Variants in GRK7 observed in about 807,000 individuals in gnomAD.
GRK7 encodes G protein-coupled receptor kinase 7, also known as rhodopsin kinase GRK7.
In GRK7, 24 loss-of-function variants were observed where a neutral mutation model predicts 34.1. The observed-to-expected ratio is 0.70, with a 90% CI of 0.51 to 0.99. The LOEUF is 0.99. GRK7 is among the 50% of genes least tolerant of loss of function. GRK7 has a pLI of 0.00. For synonymous variants in GRK7, 256 were observed against 279.4 expected, an observed-to-expected ratio of 0.92 and a Z score of 0.84; for missense variants, 644 against 707.3, an observed-to-expected ratio of 0.91 and a Z score of 1.02.
the GRK7 span, among the ~76,000 whole-genome samples, chr3:141,752,210 C>A: frequency 1.3e-5 from 2 of 152,156 alleles, no homozygotes; most frequent in Non-Finnish European, 2.9e-5. Flanking sequence ...GTAAGAATTT[C>A]TTAAGTTTGC....
At chr3:141,767,423 G>T (rs1454287366) in intron 1 of GRK7, among the ~76,000 whole-genome samples, 2 of 151,010 alleles carry the variant, frequency 1.3e-5, no homozygotes, top group Non-Finnish European at 2.9e-5. Flanking sequence ...TTTGAGACAG[G>T]GTCTCCTTCG....
chr3:141,813,736 A>G (rs11707874), intron 5 of GRK7, among the ~76,000 whole-genome samples: 8,112 of 152,316 alleles, frequency 0.053, 292 homozygotes, highest in Middle Eastern at 0.099. Context: ...GATGCCTCCA[A>G]TTAAGTTTCT....
chr3:141,807,628 TG>T lies in GRK7; in HGVS notation c.1051-16del. The T allele has an allele frequency of 6.2e-7, 1 of 1,610,854 alleles. No individual in the cohort carries two copies. The highest frequency in any genetic ancestry group is 1.7e-5 in the Admixed American group (1 of 59,762). ...CTTTGTTCTGTGTTGTCTTGTTTTT[TG>T]TTTGGGATGTTACAGGCTGGAACCA... On this transcript the variant is annotated splice_polypyrimidine_tract_variant and intron_variant, in intron 4 of 5. Transcript: ENST00000682958.
intron 4 of GRK7, among the ~76,000 whole-genome samples, chr3:141,783,291 G>A (rs189283011): frequency 6.8e-4 from 104 of 152,312 alleles, no homozygotes; most frequent in African/African-American, 2.3e-3. Flanking sequence ...TGGTTAAAAA[G>A]GGAATTATAA....
At chr3:141,802,664 GCTGGATAAAACATCAT>G (rs1175026214) in intron 4 of GRK7, among the ~76,000 whole-genome samples, 2 of 152,186 alleles carry the variant, frequency 1.3e-5, no homozygotes, top group African/African-American at 2.4e-5. Context: ...CACTTTCAGA[GCTGGATAAAACATCAT>G]CTGGATAAAA....
upstream of GRK7, among the ~76,000 whole-genome samples, chr3:141,758,915 C>A (rs1201176302): frequency 6.7e-6 from 1 of 148,620 alleles, no homozygotes; most frequent in Non-Finnish European, 1.5e-5. Context: ...CTCTTTGAAG[C>A]AATTGTGAAT....
intron 2 of GRK7, among the ~76,000 whole-genome samples, 182 bp downstream of exon 2, chr3:141,774,862 G>A (rs995283900): frequency 6.6e-5 from 10 of 151,334 alleles, no homozygotes; most frequent in Non-Finnish European, 5.9e-5. Flanking sequence ...TGTCGATCTC[G>A]GTTCACTGCA....
the GRK7 span, among the ~76,000 whole-genome samples, chr3:141,756,400 A>G: frequency 1.3e-3 from 201 of 152,334 alleles, 1 homozygote; most frequent in Admixed American, 3.8e-3. Flanking sequence ...TATGTTGAGC[A>G]AAAGAATTCA....
chr3:141,797,180 T>C (rs1354960333), intron 4 of GRK7, among the ~76,000 whole-genome samples: 1 of 152,096 alleles, frequency 6.6e-6, no homozygotes, highest in Non-Finnish European at 1.5e-5. Context: ...GTGAAATGGG[T>C]GTCCTTCCAG....
chr3:141,797,287 G>GC (rs1317178765), intron 4 of GRK7, among the ~76,000 whole-genome samples: 1 of 152,210 alleles, frequency 6.6e-6, no homozygotes, highest in Non-Finnish European at 1.5e-5. Context: ...CCAGGGGCAG[G>GC]AGCGGCCTCC....
rs2084566228 is a variant in GRK7, at chr3:141,763,438, T to C, written c.-2515T>C. On this transcript the variant is annotated 5_prime_UTR_variant, in exon 1 of 6. Coordinates refer to ENST00000682958, the MANE Select transcript of GRK7 (RefSeq NM_139209.3). Reference sequence around the variant, plus strand: ...ACCCTTAGCTCTCAAACCCACTAACTAACCCAGCAAAGTCTGGGGGGCCTC... The same window carrying C: ...ACCCTTAGCTCTCAAACCCACTAACCAACCCAGCAAAGTCTGGGGGGCCTC... Among the ~76,000 whole-genome samples, 1 of 152,172 alleles carries C rather than the reference T, an allele frequency of 6.6e-6. No individual in the cohort carries two copies. Among genetic ancestry groups the C allele is most frequent in the Admixed American group, 6.5e-5 (1 of 15,278 alleles).
chr3:141,791,163 A>C (rs952938430), intron 4 of GRK7, among the ~76,000 whole-genome samples: 3 of 152,224 alleles, frequency 2.0e-5, no homozygotes, highest in Non-Finnish European at 4.4e-5. Flanking sequence ...CCTGCCTTGA[A>C]GTCTCTGACC....
chr3:141,773,432 G>T (rs1403225506), intron 1 of GRK7, among the ~76,000 whole-genome samples: 1 of 151,702 alleles, frequency 6.6e-6, no homozygotes, highest in Non-Finnish European at 1.5e-5. Context: ...TTCTCCCCTC[G>T]AATCTGCATA....
the GRK7 span, among the ~76,000 whole-genome samples, chr3:141,757,986 C>G: frequency 1.6e-5 from 1 of 61,092 alleles, no homozygotes; most frequent in African/African-American, 7.4e-5. Context: ...CCTTCGCCCA[C>G]TTTTTGATGG....
At chr3:141,768,679 G>A (rs1353494060) in intron 1 of GRK7, among the ~76,000 whole-genome samples, 1 of 151,848 alleles carries the variant, frequency 6.6e-6, no homozygotes, top group African/African-American at 2.4e-5. Context: ...CCTTTTCATG[G>A]CCAAAGTTCT....
In GRK7 at chr3:141,778,955, T is replaced by C. The variant is rs2084656878; in HGVS notation, c.612+59T>C. 1.4e-6 allele frequency: 2 copies of C among 1,475,916 alleles called. No individual in the cohort carries two copies. The highest frequency in any genetic ancestry group is 1.4e-5 in the African/African-American group (1 of 70,650). 91.4% of individuals were successfully genotyped at this position (1,475,916 alleles called of 1,614,324 possible). ...AAGCATAGAGCATGAAAGGGGGTAA[T>C]GTTGCCTTTCTTTTTTTAAATCTCA... On this transcript the variant is annotated intron_variant, in intron 3 of 5. Transcript: ENST00000682958. This position sits in a 1 kb window ranked among gnomAD's most constrained non-coding sequence, Gnocchi z 4.1.
At chr3:141,782,536 G>A (rs1340810069) in intron 4 of GRK7, among the ~76,000 whole-genome samples, 4 of 152,176 alleles carry the variant, frequency 2.6e-5, no homozygotes, top group Admixed American at 6.5e-5. Context: ...TGGGATAGAC[G>A]TGGGGATTTG....
At chr3:141,814,186 T>C (rs1264399082) in intron 5 of GRK7, among the ~76,000 whole-genome samples, 1 of 151,464 alleles carries the variant, frequency 6.6e-6, no homozygotes, top group Non-Finnish European at 1.5e-5. Flanking sequence ...GGTTGACTTA[T>C]GGCAGAAACT....
chr3:141,755,606 A>C, the GRK7 span, among the ~76,000 whole-genome samples: 2 of 152,326 alleles, frequency 1.3e-5, no homozygotes, highest in East Asian at 1.9e-4. Context: ...GCCTCATCAG[A>C]AAATCAAATT....
Sources: allele counts gnomAD v4.1 joint callset (sites outside exome capture counted in the v4.1 genomes callset), GRCh38; gene constraint gnomAD v4.1.1; non-coding constraint Gnocchi (gnomAD v3.1); transcripts MANE v1.5; gene names NCBI Gene and HGNC (gene_info 2026-07-23, HGNC 2026-07-21).